The following PCSK7 variants were observed in gnomAD, a reference collection of about 807,000 sequenced individuals.
The protein encoded by PCSK7 is lymphoma proprotein convertase.
In PCSK7, 38 loss-of-function variants were observed where a neutral mutation model predicts 73.3. The observed-to-expected ratio is 0.52, with a 90% CI of 0.40 to 0.68. The LOEUF (loss-of-function observed/expected upper bound fraction) is 0.68, where lower values mean the gene tolerates loss of function less well. Among genes scored for constraint, PCSK7 ranks in the 30% least tolerant of loss-of-function variants. The pLI is 0.00. For synonymous variants in PCSK7, 296 were observed against 383.8 expected (o/e 0.77, Z 2.68); for missense variants, 692 against 991.5 (o/e 0.70, Z 4.06).
intron 12 of PCSK7, chr11:117,212,458 T>C (rs1295346165): frequency 6.8e-6 from 1 of 147,600 alleles, no homozygotes; most frequent in African/African-American, 2.5e-5. Flanking sequence ...TAGGCTGGAG[T>C]GCAGTGGCAC....
At chr11:117,217,645 C>T (rs759298192) in intron 12 of PCSK7, 11 of 152,158 alleles carry the variant, frequency 7.2e-5, no homozygotes, top group Non-Finnish European at 1.5e-4. Flanking sequence ...CCATGGCTCT[C>T]AATTGATCAC....
intron 1 of PCSK7, chr11:117,231,207 C>T (rs2032648359): frequency 6.6e-6 from 1 of 152,124 alleles, no homozygotes; most frequent in Non-Finnish European, 1.5e-5. Flanking sequence ...CAGATACACA[C>T]CCAAGCGGCT....
chr11:117,205,397 C>T lies in PCSK7; in HGVS notation c.*600G>A, dbSNP rs762380701. 1.0e-4 allele frequency: 24 copies of T among 233,402 alleles called. No individual in the cohort carries two copies. The highest frequency in any genetic ancestry group is 1.6e-4 in the Non-Finnish European group (19 of 118,000). 14.5% of individuals were successfully genotyped at this position (233,402 alleles called of 1,614,324 possible). A position where few individuals can be genotyped will look rare whatever the true frequency, so the allele number is the denominator to read the frequency against. On this transcript the variant is annotated 3_prime_UTR_variant, in exon 17 of 17. Coordinates refer to ENST00000320934, the MANE Select transcript of PCSK7 (RefSeq NM_004716.4). Reference sequence around the variant, plus strand: ...CCTGCCGCAGGATTCCCTAGTGAAGCAGCTCAGGCCTGGGGGAGCCGTGTG... The same window carrying T: ...CCTGCCGCAGGATTCCCTAGTGAAGTAGCTCAGGCCTGGGGGAGCCGTGTG...
chr11:117,215,378 G>GTGTGTGTGTGTGTGTA (rs1565307913), intron 12 of PCSK7: 1 of 62,540 alleles, frequency 1.6e-5, no homozygotes, highest in African/African-American at 1.2e-4. Flanking sequence ...GTGTGTGTGT[G>GTGTGTGTGTGTGTGTA]TGTATATATA....
chr11:117,220,824 CTCAG>C (rs2032162718), intron 9 of PCSK7: 1 of 152,372 alleles, frequency 6.6e-6, no homozygotes, highest in African/African-American at 2.4e-5. Context: ...CCTGCATGGA[CTCAG>C]TGTCTATAAG....
At position 117,218,676 on chromosome 11, in the gene PCSK7, C is replaced by T; in HGVS notation, c.1432-108G>A. On this transcript the variant is annotated intron_variant, in intron 11 of 16. Transcript: ENST00000320934. This position sits in a 1 kb window ranked among gnomAD's most constrained non-coding sequence, Gnocchi z 4.0. ...AATACGATCTTGAAGGTTTAGCTGT[C>T]TTTATTTTTCCACTCCTCATCATCT... is the stretch of plus-strand genomic sequence containing the variant. 1.5e-6 allele frequency: 1 copy of T among 646,196 alleles called. No individual in the cohort carries two copies. The highest frequency in any genetic ancestry group is 1.8e-5 in the African/African-American group (1 of 55,070). 40.0% of individuals were successfully genotyped at this position (646,196 alleles called of 1,614,324 possible). A position where few individuals can be genotyped will look rare whatever the true frequency, so the allele number is the denominator to read the frequency against.
At position 117,219,364 on chromosome 11, in the gene PCSK7, G is replaced by C. The variant is rs530248369; in HGVS notation, c.1324-200C>G. On this transcript the variant is annotated intron_variant, in intron 10 of 16. Coordinates refer to ENST00000320934, the MANE Select transcript of PCSK7 (RefSeq NM_004716.4). ...ACCACCCCACTGGCTTGCTTCTAGA[G>C]AAGGGGCCAGGAGGCACAGCCAGAG... 3,256 of 632,644 alleles carry C rather than the reference G, an allele frequency of 5.1e-3. 15 individuals carry two copies. Among genetic ancestry groups the C allele is most frequent in the Non-Finnish European group, 7.5e-3 (2,745 of 366,860 alleles). 39.2% of individuals were successfully genotyped at this position (632,644 alleles called of 1,614,324 possible). A position where few individuals can be genotyped will look rare whatever the true frequency, so the allele number is the denominator to read the frequency against.
intron 12 of PCSK7, chr11:117,211,947 GTACCTAGCTAATGT>G (rs2031745800): frequency 2.0e-5 from 3 of 152,266 alleles, no homozygotes; most frequent in South Asian, 2.1e-4. Flanking sequence ...GTTCAGAATG[GTACCTAGCTAATGT>G]TAAGGCTACA....
At chr11:117,223,530 G>A in intron 8 of PCSK7, 1 of 563,488 alleles carries the variant, frequency 1.8e-6, no homozygotes, top group Non-Finnish European at 3.2e-6. Flanking sequence ...TCTTTCAGTA[G>A]GCTCTGGGGT....
chr11:117,228,457 A>G, intron 3 of PCSK7, 107 bp from the exon 4 acceptor site: 1 of 957,878 alleles, frequency 1.0e-6, no homozygotes, highest in Non-Finnish European at 1.6e-6. Flanking sequence ...CCAAAGAGCC[A>G]GACAGATTGC....
chr11:117,214,115 C>G lies in PCSK7; in HGVS notation c.1534+4351G>C, dbSNP rs2031859432. On this transcript the variant is annotated intron_variant, in intron 12 of 16. Coordinates refer to ENST00000320934, the MANE Select transcript of PCSK7 (RefSeq NM_004716.4). ...GGGACTACAGGAGCCCGCCACCATGCCCAGCTGATTTTTTTGTATTTTTAG... is the reference window on the plus strand; with the variant it reads ...GGGACTACAGGAGCCCGCCACCATGGCCAGCTGATTTTTTTGTATTTTTAG... The G allele has an allele frequency of 2.0e-5, 3 of 152,062 alleles. 1 individual carries two copies. In the South Asian group the frequency reaches 6.2e-4, roughly 32 times the overall value. The allele number at this position is 152,062 out of a possible 1,614,324, so 9.4% of individuals were successfully genotyped here. A position where few individuals can be genotyped will look rare whatever the true frequency, so the allele number is the denominator to read the frequency against.
At chr11:117,213,861 C>T (rs1230991274) in intron 12 of PCSK7, 1 of 151,718 alleles carries the variant, frequency 6.6e-6, no homozygotes, top group African/African-American at 2.4e-5. Flanking sequence ...ATTATGTGGC[C>T]TTTGGTAAAT....
intron 5 of PCSK7, 139 bp downstream of exon 5, chr11:117,227,018 A>G: frequency 1.6e-6 from 1 of 641,726 alleles, no homozygotes; most frequent in Admixed American, 3.3e-5. Flanking sequence ...GACACCTATT[A>G]TAAACTCACC....
chr11:117,224,273 T>G lies in PCSK7; in HGVS notation c.916-57A>C. On this transcript the variant is annotated intron_variant, in intron 7 of 16. Transcript: ENST00000320934. Reference sequence around the variant, plus strand: ...AGGAACCCACAGAAAGACCTCCGCCTACCACATCAGTCACCCTCTCCACCC... The same window carrying G: ...AGGAACCCACAGAAAGACCTCCGCCGACCACATCAGTCACCCTCTCCACCC... The G allele has an allele frequency of 2.5e-6, 4 of 1,576,608 alleles. No homozygotes were observed. In the East Asian group the frequency reaches 9.0e-5, roughly 35 times the overall value.
At chr11:117,228,026 G>A (rs1375934060) in intron 4 of PCSK7, among the ~76,000 whole-genome samples, 190 bp downstream of exon 4, 2 of 152,208 alleles carry the variant, frequency 1.3e-5, no homozygotes, top group Non-Finnish European at 2.9e-5. Context: ...GAGCAGGATT[G>A]TTCTTAGAGT....
At chr11:117,212,532 C>A (rs2031776584) in intron 12 of PCSK7, 1 of 151,338 alleles carries the variant, frequency 6.6e-6, no homozygotes, top group Non-Finnish European at 1.5e-5. Context: ...CAGCCTCCCA[C>A]CTCCCAAGTA....
intron 5 of PCSK7, 30 bp from the exon 6 acceptor site, chr11:117,226,051 A>G (rs769246825): frequency 8.0e-7 from 1 of 1,250,162 alleles, no homozygotes. Flanking sequence ...GCAGCTCCTC[A>G]CTAATGCTGG....
rs767894615 is a variant in PCSK7, at chr11:117,204,685, G to A, written c.*1312C>T. On this transcript the variant is annotated 3_prime_UTR_variant, in exon 17 of 17. Coordinates refer to ENST00000320934, the MANE Select transcript of PCSK7 (RefSeq NM_004716.4). ...GGCCAAGTCCACTGTCCTCCTTGGC[G>A]GCAAAAGCCCATTGAAGAAGAACCA... 12 of 418,344 alleles carry A rather than the reference G, an allele frequency of 2.9e-5. No homozygotes were observed. Among genetic ancestry groups the A allele is most frequent in the Non-Finnish European group, 4.9e-5 (11 of 222,816 alleles). The allele number at this position is 418,344 out of a possible 1,614,324, so 25.9% of individuals were successfully genotyped here.
In PCSK7 at chr11:117,228,319, T is replaced by C; in HGVS notation, c.500A>G (p.Asn167Ser). 1 of 1,614,068 alleles carries C rather than the reference T, an allele frequency of 6.2e-7. No individual in the cohort carries two copies. Among genetic ancestry groups the C allele is most frequent in the South Asian group, 1.1e-5 (1 of 91,068 alleles). Residue 167 changes from asparagine to serine, a missense_variant, in exon 4 of 17, where the codon AAC (asparagine) becomes AGC (serine). Coordinates refer to ENST00000320934, the MANE Select transcript of PCSK7 (RefSeq NM_004716.4). ...NNRRSPGRDI[N>S]VTGVWERNVT... Reference sequence around the variant, plus strand: ...ATTGCGTTCCCACACACCCGTCACGTTGATGTCCCTGCCCGGGCTCCGTCG... The same window carrying C: ...ATTGCGTTCCCACACACCCGTCACGCTGATGTCCCTGCCCGGGCTCCGTCG...
Sources: allele counts gnomAD v4.1 joint callset (sites outside exome capture counted in the v4.1 genomes callset), GRCh38; gene constraint gnomAD v4.1.1; non-coding constraint Gnocchi (gnomAD v3.1); transcripts MANE v1.5; gene names NCBI Gene and HGNC (gene_info 2026-07-23, HGNC 2026-07-21).